Variants in UNC80 observed in about 807,000 individuals in gnomAD.
UNC80 encodes unc-80 subunit of NALCN channel complex, also known as protein unc-80 homolog.
Under a neutral mutation model 384.6 loss-of-function variants are expected in UNC80, and 164 were observed. The ratio of observed to expected loss-of-function variants is 0.43; its 90% CI spans 0.38 to 0.49. The LOEUF is 0.49. UNC80 is among the 20% of genes least tolerant of loss of function. The pLI is 0.00. For missense variants in UNC80, 3,330 were observed against 4,143.0 expected, an observed-to-expected ratio of 0.80 and a Z score of 5.39; for synonymous variants, 1,486 against 1,527.8, an observed-to-expected ratio of 0.97 and a Z score of 0.64.
At chr2:209,871,460 G>A (rs1047384203) in intron 22 of UNC80, among the ~76,000 whole-genome samples, 13 of 152,148 alleles carry the variant, frequency 8.5e-5, no homozygotes, top group Non-Finnish European at 1.6e-4. Context: ...GTAATTGACA[G>A]TCTATGTTAG....
intron 7 of UNC80, chr2:209,808,910 A>G: frequency 3.5e-6 from 1 of 282,350 alleles, no homozygotes; most frequent in Non-Finnish European, 6.8e-6. Context: ...CAGCAGCCCT[A>G]CCACCAGGCC....
chr2:209,804,771 T>C (rs2153826561), intron 7 of UNC80, among the ~76,000 whole-genome samples: 1 of 46,772 alleles, frequency 2.1e-5, no homozygotes, highest in South Asian at 7.5e-4. Flanking sequence ...TTGTTTTGTT[T>C]TGTTTTTTTT....
intron 4 of UNC80, among the ~76,000 whole-genome samples, chr2:209,780,607 GC>G (rs1189589700): frequency 6.6e-6 from 1 of 152,116 alleles, no homozygotes; most frequent in African/African-American, 2.4e-5. Flanking sequence ...ACAATCTCTG[GC>G]CTCCATCCAT....
intron 31 of UNC80, among the ~76,000 whole-genome samples, chr2:209,915,308 G>A (rs569135411): frequency 2.0e-5 from 3 of 151,688 alleles, no homozygotes; most frequent in South Asian, 4.2e-4. Flanking sequence ...GGGAGGCTGA[G>A]GCAGGAGAGT....
intron 26 of UNC80, among the ~76,000 whole-genome samples, chr2:209,891,757 A>C (rs1276269071): frequency 6.6e-6 from 1 of 152,184 alleles, no homozygotes; most frequent in Non-Finnish European, 1.5e-5. Context: ...GTCCTTAATC[A>C]GTTGACGAAA....
At chr2:209,952,744 T>A (rs1352745315) in intron 47 of UNC80, among the ~76,000 whole-genome samples, 1 of 152,238 alleles carries the variant, frequency 6.6e-6, no homozygotes, top group South Asian at 2.1e-4. Context: ...TTAAAAATTT[T>A]GTCCACCCTT....
chr2:209,931,225 A>G (rs1321474441), intron 38 of UNC80, among the ~76,000 whole-genome samples, 171 bp downstream of exon 38: 1 of 151,912 alleles, frequency 6.6e-6, no homozygotes, highest in Admixed American at 6.6e-5. Flanking sequence ...TATGGAGGAC[A>G]GTCAATATAA....
chr2:209,779,970 T>C (rs1313239529), intron 4 of UNC80, among the ~76,000 whole-genome samples: 1 of 152,244 alleles, frequency 6.6e-6, no homozygotes, highest in Non-Finnish European at 1.5e-5. Flanking sequence ...GAGCAAATAA[T>C]TTATAAGCCT....
chr2:209,960,340 C>T (rs1022120315), intron 51 of UNC80, among the ~76,000 whole-genome samples: 9 of 152,160 alleles, frequency 5.9e-5, no homozygotes, highest in African/African-American at 1.7e-4. Context: ...CCTGTGCACT[C>T]GTATTTCGTC....
At chr2:209,965,155 G>A (rs2092707645) in intron 51 of UNC80, among the ~76,000 whole-genome samples, 2 of 151,968 alleles carry the variant, frequency 1.3e-5, no homozygotes, top group African/African-American at 4.8e-5. Context: ...GTCACTGTAG[G>A]CCAAGTACAG....
chr2:209,800,129 C>T (rs1055073351), intron 7 of UNC80, among the ~76,000 whole-genome samples: 1 of 152,132 alleles, frequency 6.6e-6, no homozygotes, highest in African/African-American at 2.4e-5. Context: ...GGAATAGTTT[C>T]AGAAGGAATG....
intron 4 of UNC80, among the ~76,000 whole-genome samples, chr2:209,783,736 T>C (rs1035272114): frequency 6.6e-6 from 1 of 152,142 alleles, no homozygotes; most frequent in Non-Finnish European, 1.5e-5. Flanking sequence ...TTTACTTGTG[T>C]TAAGATTTCT....
Position 209,954,128 on chromosome 2 carries a change from T to G in UNC80, c.7315T>G (p.Leu2439Val). Reference sequence around the variant, plus strand: ...TCAGATGCTGATGGTCTTAGAAGCCTTAGTTCCATGTTACCTACAAAAGCT... The same window carrying G: ...TCAGATGCTGATGGTCTTAGAAGCCGTAGTTCCATGTTACCTACAAAAGCT... ...SLQMLMVLEA[L>V]VPCYLQKLKR... is the part of the protein sequence containing the mutation. Residue 2439 changes from leucine to valine, a missense_variant, in exon 48 of 65, where the codon TTA (leucine) becomes GTA (valine). Leu to Val is a conservative substitution (Grantham distance 32, BLOSUM62 1). Coordinates refer to ENST00000673920, the MANE Select transcript of UNC80 (RefSeq NM_001371986.1). The G allele has an allele frequency of 2.6e-6, 4 of 1,550,854 alleles. No homozygotes were observed. The highest frequency in any genetic ancestry group is 3.5e-6 in the Non-Finnish European group (4 of 1,146,880).
At chr2:209,808,703 G>C in intron 7 of UNC80, 1 of 112,202 alleles carries the variant, frequency 8.9e-6, no homozygotes, top group Non-Finnish European at 1.9e-5. Flanking sequence ...ACTTAAGGGA[G>C]TTGGCGGAGC....
intron 28 of UNC80, among the ~76,000 whole-genome samples, chr2:209,897,538 A>G (rs904581714): frequency 2.6e-5 from 4 of 152,154 alleles, no homozygotes; most frequent in African/African-American, 9.7e-5. Flanking sequence ...CTAGACTCAC[A>G]TCCATTTAGA....
At position 209,849,502 on chromosome 2, in the gene UNC80, G is replaced by A. The variant is rs1379019282; in HGVS notation, c.3506G>A (p.Ser1169Asn). 5.2e-6 allele frequency: 8 copies of A among 1,550,936 alleles called. No homozygotes were observed. In the East Asian group the frequency reaches 7.3e-5, roughly 14 times the overall value. The change falls in exon 22 of 65, where the codon AGC (serine) becomes AAC (asparagine). Residue 1169 changes from serine to asparagine, a missense_variant. By Grantham distance (46) the Ser-to-Asn change is conservative. Around this residue, in one of 8 missense-constraint regions of UNC80, gnomAD observed 801 missense variants for 950.8 expected, o/e 0.84. Coordinates refer to ENST00000673920, the MANE Select transcript of UNC80 (RefSeq NM_001371986.1). ...TCTCCCAACCAAGATGGTGGAAAAA[G>A]CAAAAACGTGGTGAATCTTGGAGCA... ...HLSPNQDGGKSKNVVNLGAIR... is the reference protein window; with the variant it reads ...HLSPNQDGGKNKNVVNLGAIR...
At chr2:209,827,351 A>G (rs2080612156) in intron 14 of UNC80, among the ~76,000 whole-genome samples, 1 of 152,152 alleles carries the variant, frequency 6.6e-6, no homozygotes, top group South Asian at 2.1e-4. Context: ...AAACATAATA[A>G]AAAGCGTCAT....
chr2:209,860,528 T>TG (rs2083272767), intron 22 of UNC80, among the ~76,000 whole-genome samples: 1 of 152,198 alleles, frequency 6.6e-6, no homozygotes, highest in African/African-American at 2.4e-5. Flanking sequence ...CTTGGCTATA[T>TG]GGGGTCTCCT....
chr2:209,917,997 C>A, intron 32 of UNC80, 39 bp downstream of exon 32: 1 of 1,541,860 alleles, frequency 6.5e-7, no homozygotes, highest in Non-Finnish European at 8.8e-7. Flanking sequence ...CATTAGCAAA[C>A]CCAACCCAAG....
Sources: gnomAD v4.1 joint callset for allele counts (sites outside exome capture counted in the v4.1 genomes callset) on GRCh38, gnomAD v4.1.1 for gene constraint, gnomAD v4.1.1 regional missense constraint, MANE v1.5 for transcripts, NCBI Gene and HGNC (gene_info 2026-07-23, HGNC 2026-07-21) for gene names.